NSMCE2: variants seen among roughly 807,000 people sequenced by gnomAD.
The protein encoded by NSMCE2 is E3 SUMO-protein ligase NSE2.
In NSMCE2, 24 loss-of-function variants were observed where a neutral mutation model predicts 23.8. The observed-to-expected ratio is 1.01, with a 90% confidence interval of 0.73 to 1.42. NSMCE2 has a LOEUF of 1.42. Ranked by LOEUF, NSMCE2 falls within the 40% of genes most tolerant of loss-of-function variation. The pLI is 0.00. For synonymous variants in NSMCE2, 92 were observed against 94.1 expected, an observed-to-expected ratio of 0.98 and a Z score of 0.13; for missense variants, 284 against 296.5, an observed-to-expected ratio of 0.96 and a Z score of 0.31.
intron 7 of NSMCE2, among the ~76,000 whole-genome samples, chr8:125,365,681 C>A (rs1813751789): frequency 6.6e-6 from 1 of 151,956 alleles, no homozygotes; most frequent in African/African-American, 2.4e-5. Context: ...CATGGTGAAA[C>A]CCCATCTCTA....
At chr8:125,305,557 A>G (rs936268945) in intron 5 of NSMCE2, among the ~76,000 whole-genome samples, 1 of 152,144 alleles carries the variant, frequency 6.6e-6, no homozygotes, top group Non-Finnish European at 1.5e-5. Flanking sequence ...CATGTGGGGA[A>G]ATAAGAAAAT....
chr8:125,295,770 A>G (rs1828297752), intron 5 of NSMCE2, among the ~76,000 whole-genome samples: 2 of 152,232 alleles, frequency 1.3e-5, no homozygotes, highest in Non-Finnish European at 2.9e-5. Context: ...AAAAGGAAGC[A>G]ACAGCTTTAT....
At chr8:125,251,210 TACCC>T (rs1486395960) in intron 5 of NSMCE2, among the ~76,000 whole-genome samples, 1 of 152,160 alleles carries the variant, frequency 6.6e-6, no homozygotes, top group Non-Finnish European at 1.5e-5. Flanking sequence ...TCTTATATAC[TACCC>T]ATACCCATTA....
chr8:125,229,468 T>A (rs1232885403), intron 5 of NSMCE2, among the ~76,000 whole-genome samples: 1 of 152,162 alleles, frequency 6.6e-6, no homozygotes. Flanking sequence ...TATTTAAGAA[T>A]AATGAGGGAA....
intron 5 of NSMCE2, among the ~76,000 whole-genome samples, chr8:125,293,002 CT>C (rs1828172490): frequency 6.6e-6 from 1 of 152,214 alleles, no homozygotes; most frequent in African/African-American, 2.4e-5. Flanking sequence ...CATAATTTTA[CT>C]TAAATCTGTC....
At chr8:125,098,649 C>G (rs1188068858) in intron 1 of NSMCE2, among the ~76,000 whole-genome samples, 2 of 151,942 alleles carry the variant, frequency 1.3e-5, no homozygotes, top group African/African-American at 4.8e-5. Flanking sequence ...GACTACAGAG[C>G]TGGCAAAATT....
At chr8:125,259,399 TA>T (rs1397052521) in intron 5 of NSMCE2, among the ~76,000 whole-genome samples, 2 of 152,206 alleles carry the variant, frequency 1.3e-5, no homozygotes, top group Non-Finnish European at 2.9e-5. Context: ...GCGGTGGCAT[TA>T]GATTCTGATA....
chr8:125,311,871 G>A (rs1364352019), intron 5 of NSMCE2, among the ~76,000 whole-genome samples: 6 of 152,196 alleles, frequency 3.9e-5, no homozygotes, highest in Non-Finnish European at 5.9e-5. Flanking sequence ...CTGAGGTTGA[G>A]AGTTCGAGAC....
At chr8:125,296,282 C>T (rs896435536) in intron 5 of NSMCE2, among the ~76,000 whole-genome samples, 1 of 151,630 alleles carries the variant, frequency 6.6e-6, no homozygotes, top group African/African-American at 2.4e-5. Flanking sequence ...TGAATGAATA[C>T]TATGTTTGTA....
At chr8:125,116,320 A>C (rs1204229091) in intron 3 of NSMCE2, among the ~76,000 whole-genome samples, 2 of 152,260 alleles carry the variant, frequency 1.3e-5, no homozygotes, top group Non-Finnish European at 2.9e-5. Context: ...TACACTGCTC[A>C]CCACAGGTCC....
chr8:125,145,412 T>C (rs1358420827), intron 3 of NSMCE2, among the ~76,000 whole-genome samples: 1 of 152,188 alleles, frequency 6.6e-6, no homozygotes, highest in African/African-American at 2.4e-5. Context: ...AGCTAGTTAT[T>C]GTACTAACTT....
At chr8:125,097,608 G>A (rs1817999730) in intron 1 of NSMCE2, among the ~76,000 whole-genome samples, 1 of 152,046 alleles carries the variant, frequency 6.6e-6, no homozygotes, top group Non-Finnish European at 1.5e-5. Context: ...CCCCTGTTGT[G>A]CCTATAATCC....
chr8:125,142,057 A>AT lies in NSMCE2; in HGVS notation c.158-9110dup, dbSNP rs567269744. ...GAGAGCTAAGAGAGCTAGGAAGATG[A>AT]TTTTCACTTGCTACCTTTTGGTTCC... On this transcript the variant is annotated intron_variant, in intron 3 of 7. Transcript: ENST00000287437. 1.9e-3 allele frequency among the ~76,000 whole-genome samples: 294 copies of AT among 152,162 alleles called. 1 individual carries two copies. Among genetic ancestry groups the AT allele is most frequent in the African/African-American group, 6.9e-3 (287 of 41,508 alleles).
At chr8:125,305,316 G>A (rs1415528487) in intron 5 of NSMCE2, among the ~76,000 whole-genome samples, 1 of 152,146 alleles carries the variant, frequency 6.6e-6, no homozygotes, top group African/African-American at 2.4e-5. Flanking sequence ...ACTCAGAGGA[G>A]CCCAGTGTCA....
At chr8:125,127,896 AT>A (rs1457238131) in intron 3 of NSMCE2, among the ~76,000 whole-genome samples, 1 of 152,190 alleles carries the variant, frequency 6.6e-6, no homozygotes, top group Non-Finnish European at 1.5e-5. Context: ...TTTATACAAC[AT>A]TTTAAGTAAT....
intron 5 of NSMCE2, among the ~76,000 whole-genome samples, chr8:125,236,860 A>G (rs968950164): frequency 4.6e-5 from 7 of 151,902 alleles, no homozygotes; most frequent in African/African-American, 1.7e-4. Flanking sequence ...GACTCTTAAA[A>G]GGAACAAGAC....
At chr8:125,359,559 C>T (rs1586819414) in intron 7 of NSMCE2, among the ~76,000 whole-genome samples, 2 of 151,966 alleles carry the variant, frequency 1.3e-5, no homozygotes, top group Non-Finnish European at 2.9e-5. Context: ...TCTCAAACTC[C>T]CGAGCTCAGG....
At chr8:125,095,210 T>C (rs977449478) in intron 1 of NSMCE2, among the ~76,000 whole-genome samples, 6 of 152,212 alleles carry the variant, frequency 3.9e-5, no homozygotes, top group African/African-American at 1.4e-4. Flanking sequence ...GTGCAGATTA[T>C]AGAACGTTTT....
chr8:125,266,568 A>G lies in NSMCE2; in HGVS notation c.418+84312A>G, dbSNP rs548662924. ...GTTAGGATTTTGTTTTATACAATGTATTATCAATTTGTCCTGCTATATAGT... is the reference window on the plus strand; with the variant it reads ...GTTAGGATTTTGTTTTATACAATGTGTTATCAATTTGTCCTGCTATATAGT... On this transcript the variant is annotated intron_variant, in intron 5 of 7. Coordinates refer to ENST00000287437, the MANE Select transcript of NSMCE2 (RefSeq NM_173685.4). 4.7e-4 allele frequency among the ~76,000 whole-genome samples: 71 copies of G among 152,308 alleles called. 2 individuals carry two copies. In the South Asian group the frequency reaches 0.014, roughly 31 times the overall value.
Sources: allele counts gnomAD v4.1 joint callset (sites outside exome capture counted in the v4.1 genomes callset), GRCh38; gene constraint gnomAD v4.1.1; transcripts MANE v1.5; gene names NCBI Gene and HGNC (gene_info 2026-07-23, HGNC 2026-07-21).